AMZ1: variants seen among roughly 807,000 people sequenced by gnomAD.
AMZ1 encodes the protein archaemetzincin-1.
Under a neutral mutation model 29.9 loss-of-function variants are expected in AMZ1, and 39 were observed. That is an observed-to-expected ratio of 1.30 (90% CI 1.01 to 1.70). AMZ1 has a LOEUF of 1.70. AMZ1 is among the 40% of genes most tolerant of loss of function. AMZ1 has a pLI of 0.00. For synonymous variants in AMZ1, 458 were observed against 304.0 expected, an observed-to-expected ratio of 1.51 and a Z score of -5.27; for missense variants, 1,041 against 680.6, an observed-to-expected ratio of 1.53 and a Z score of -5.89.
At position 2,712,791 on chromosome 7, in the gene AMZ1, G is replaced by A; in HGVS notation, c.1410G>A (p.Lys470=). 6.4e-7 allele frequency: 1 copy of A among 1,565,028 alleles called. No homozygotes were observed. Among genetic ancestry groups the A allele is most frequent in the South Asian group, 1.2e-5 (1 of 83,630 alleles). Residue 470 remains lysine (K), a synonymous_variant, in exon 7 of 7, where the codon AAG becomes AAA. Transcript: ENST00000683327. The part of the protein sequence containing the change: ...SVGLRKVLGD[K]FSSLRRKLSA... ...GGCTGCGCAAGGTGCTGGGGGACAA[G>A]TTCTCCTCCCTGAGGAGGAAGCTGA...
At chr7:2,697,516 T>A (rs1787814841) in intron 1 of AMZ1, among the ~76,000 whole-genome samples, 1 of 152,064 alleles carries the variant, frequency 6.6e-6, no homozygotes, top group African/African-American at 2.4e-5. Context: ...CTTGACTTTC[T>A]GGGCTCAGGT....
intron 4 of AMZ1, among the ~76,000 whole-genome samples, chr7:2,741,486 T>G (rs1790501914): frequency 1.3e-5 from 2 of 152,202 alleles, no homozygotes; most frequent in Admixed American, 6.5e-5. Context: ...TTGGACTGCC[T>G]GTTAGCTTTC....
At chr7:2,765,119 A>C (rs1173422059) in intron 1 of AMZ1, 1 of 152,160 alleles carries the variant, frequency 6.6e-6, no homozygotes, top group Non-Finnish European at 1.5e-5. Flanking sequence ...CTTGGATTAA[A>C]ATCTAAGGGA....
At chr7:2,762,784 A>G, upstream of AMZ1, 1 of 1,542,682 alleles carries the variant, frequency 6.5e-7, no homozygotes, top group Non-Finnish European at 8.7e-7. Flanking sequence ...AGGCTGTACA[A>G]AAGGGAGGAG....
chr7:2,695,820 G>T (rs1011476029), intron 1 of AMZ1, among the ~76,000 whole-genome samples: 2 of 152,142 alleles, frequency 1.3e-5, no homozygotes, highest in Admixed American at 1.3e-4. Context: ...AGACCAGCCT[G>T]ACTAACATGG....
intron 1 of AMZ1, among the ~76,000 whole-genome samples, chr7:2,699,184 G>T (rs1484339311): frequency 6.6e-6 from 1 of 152,150 alleles, no homozygotes; most frequent in Non-Finnish European, 1.5e-5. Context: ...CGCCCTGGCA[G>T]GTCTCACAGT....
rs61265604 is a variant in AMZ1 at position 2,718,973 on chromosome 7, A to G, written c.*6095A>G. On this transcript the variant is annotated 3_prime_UTR_variant, in exon 7 of 7. Transcript: ENST00000683327. ...CATTTATTCCAAATGTATGAGCAGG[A>G]AGGAAAGAGGGAGGGAAGCTGCAAG... Among the ~76,000 whole-genome samples, 46,983 of 150,460 alleles carry G rather than the reference A, an allele frequency of 0.31. 7,863 individuals are homozygous for G. The highest frequency in any genetic ancestry group is 0.45 in the African/African-American group (18,028 of 40,464).
At chr7:2,697,462 C>T (rs1562361996) in intron 1 of AMZ1, among the ~76,000 whole-genome samples, 1 of 151,978 alleles carries the variant, frequency 6.6e-6, no homozygotes, top group Non-Finnish European at 1.5e-5. Flanking sequence ...CTCACTCCCT[C>T]CTCCAGGCTG....
At chr7:2,682,136 C>T (rs78515408) in intron 1 of AMZ1, among the ~76,000 whole-genome samples, 2,090 of 152,332 alleles carry the variant, frequency 0.014, 39 homozygotes, top group African/African-American at 0.048. Flanking sequence ...AAAGGGCGGC[C>T]TCACAGGCTG....
intron 4 of AMZ1, among the ~76,000 whole-genome samples, chr7:2,725,944 G>C (rs1481509369): frequency 6.6e-6 from 1 of 151,508 alleles, no homozygotes; most frequent in African/African-American, 2.4e-5. Context: ...CCGACTCTCA[G>C]GTCTGGACCA....
rs1480993906 is a variant in AMZ1, at chr7:2,713,346, G to GT, written c.*468_*469insT. On this transcript the variant is annotated 3_prime_UTR_variant, in exon 7 of 7. Coordinates refer to ENST00000683327, the MANE Select transcript of AMZ1 (RefSeq NM_001384743.1). ...GCTCCCAGGGGCCTGCACACATGGA[G>GT]AGGCCTCCCTGATCCTGGGTGCTTC... 2 of 152,948 alleles carry GT rather than the reference G, an allele frequency of 1.3e-5. No homozygotes were observed. The highest frequency in any genetic ancestry group is 2.9e-5 in the Non-Finnish European group (2 of 68,518). The allele number at this position is 152,948 out of a possible 1,614,324, so 9.5% of individuals were successfully genotyped here. A position where few individuals can be genotyped will look rare whatever the true frequency, so the allele number is the denominator to read the frequency against.
intron 4 of AMZ1, chr7:2,733,523 C>G (rs1209077817): frequency 2.2e-5 from 35 of 1,603,550 alleles, no homozygotes; most frequent in Non-Finnish European, 2.9e-5. Flanking sequence ...GAAGAATATT[C>G]ACAGCTCAGT....
intron 3 of AMZ1, among the ~76,000 whole-genome samples, chr7:2,706,848 C>T (rs1788382143): frequency 6.6e-6 from 1 of 152,210 alleles, no homozygotes; most frequent in African/African-American, 2.4e-5. Flanking sequence ...ACCTCATTAG[C>T]ATCATTGTCA....
intron 6 of AMZ1, among the ~76,000 whole-genome samples, chr7:2,712,016 C>T (rs1162502266): frequency 6.6e-6 from 1 of 151,938 alleles, no homozygotes; most frequent in Non-Finnish European, 1.5e-5. Context: ...CACTGCACTC[C>T]AGCCTGGCCA....
chr7:2,709,544 C>A, intron 5 of AMZ1, 96 bp from the exon 6 acceptor site: 1 of 1,508,590 alleles, frequency 6.6e-7, no homozygotes, highest in Non-Finnish European at 8.9e-7. Flanking sequence ...CTGGCCTCAC[C>A]CAGGTCCTCA....
intron 4 of AMZ1, among the ~76,000 whole-genome samples, chr7:2,753,673 T>C (rs1393425308): frequency 6.6e-6 from 1 of 152,234 alleles, no homozygotes; most frequent in Non-Finnish European, 1.5e-5. Context: ...GGTGTGGATG[T>C]AAGTTTCATT....
At chr7:2,747,068 A>G (rs1011405914) in intron 4 of AMZ1, among the ~76,000 whole-genome samples, 1 of 152,174 alleles carries the variant, frequency 6.6e-6, no homozygotes, top group Non-Finnish European at 1.5e-5. Context: ...AGATGGATTC[A>G]ACAGCCGAAT....
At chr7:2,754,709 A>G (rs1001839728) in intron 4 of AMZ1, among the ~76,000 whole-genome samples, 7 of 152,266 alleles carry the variant, frequency 4.6e-5, no homozygotes, top group African/African-American at 1.4e-4. Context: ...TGATCACACC[A>G]CTACACTCCA....
intron 3 of AMZ1, 86 bp from the exon 4 acceptor site, chr7:2,708,502 A>G (rs973833241): frequency 4.4e-6 from 7 of 1,574,932 alleles, no homozygotes; most frequent in Admixed American, 1.7e-5. Context: ...AGGCAGAGGA[A>G]GAGGATGACG....
Sources: allele counts gnomAD v4.1 joint callset (sites outside exome capture counted in the v4.1 genomes callset), GRCh38; gene constraint gnomAD v4.1.1; transcripts MANE v1.5; gene names NCBI Gene and HGNC (gene_info 2026-07-23, HGNC 2026-07-21).